INPP4B: variants seen among roughly 807,000 people sequenced by gnomAD.
INPP4B encodes inositol polyphosphate-4-phosphatase type II B.
INPP4B carries 55 observed loss-of-function variants against 122.5 expected under a neutral mutation model. That is an observed-to-expected ratio of 0.45 (90% CI 0.36 to 0.56). The LOEUF (loss-of-function observed/expected upper bound fraction) is 0.56, where lower values mean the gene tolerates loss of function less well. Among genes scored for constraint, INPP4B ranks in the 20% least tolerant of loss-of-function variants. The pLI is 0.00. For missense variants in INPP4B, 1,000 were observed against 1,097.7 expected, an observed-to-expected ratio of 0.91 and a Z score of 1.26; for synonymous variants, 403 against 388.7, an observed-to-expected ratio of 1.04 and a Z score of -0.43.
At chr4:142,048,134 T>C (rs1159778796) in intron 25 of INPP4B, among the ~76,000 whole-genome samples, 1 of 152,108 alleles carries the variant, frequency 6.6e-6, no homozygotes, top group Non-Finnish European at 1.5e-5. Flanking sequence ...CTCAGAGATA[T>C]TAGGTACTAT....
intron 18 of INPP4B, among the ~76,000 whole-genome samples, chr4:142,131,386 T>C (rs1801182706): frequency 6.6e-6 from 1 of 152,148 alleles, no homozygotes. Flanking sequence ...ACATTTTTAC[T>C]AGGTGAATGT....
At chr4:142,587,217 A>G (rs1266402300) in intron 2 of INPP4B, among the ~76,000 whole-genome samples, 1 of 152,154 alleles carries the variant, frequency 6.6e-6, no homozygotes, top group Non-Finnish European at 1.5e-5. Flanking sequence ...AGAAAATGAG[A>G]GAAAGAAAGA....
chr4:142,034,590 G>T (rs947682598), intron 25 of INPP4B, among the ~76,000 whole-genome samples: 1 of 152,036 alleles, frequency 6.6e-6, no homozygotes, highest in Non-Finnish European at 1.5e-5. Flanking sequence ...AGCCTGCACA[G>T]CCAGGCTCAC....
intron 7 of INPP4B, among the ~76,000 whole-genome samples, chr4:142,331,865 G>A (rs757640211): frequency 4.4e-5 from 6 of 136,382 alleles, no homozygotes; most frequent in Non-Finnish European, 9.2e-5. Context: ...ATATTATGAG[G>A]CAATGTTTAG....
chr4:142,645,809 T>C (rs1452136926), intron 2 of INPP4B, among the ~76,000 whole-genome samples: 1 of 152,226 alleles, frequency 6.6e-6, no homozygotes. Context: ...AAATGGAACC[T>C]GGCCTAATTA....
At chr4:142,628,182 T>G (rs1307493079) in intron 2 of INPP4B, among the ~76,000 whole-genome samples, 2 of 148,666 alleles carry the variant, frequency 1.3e-5, no homozygotes, top group Non-Finnish European at 3.0e-5. Context: ...CAATGATAGA[T>G]TGGATTAAGA....
chr4:142,441,842 A>G (rs1418058124), intron 3 of INPP4B, among the ~76,000 whole-genome samples: 1 of 149,262 alleles, frequency 6.7e-6, no homozygotes, highest in Non-Finnish European at 1.5e-5. Flanking sequence ...AATAATTGGG[A>G]TACATAAGCA....
At chr4:142,542,950 G>C (rs1039375422) in intron 2 of INPP4B, among the ~76,000 whole-genome samples, 1 of 151,952 alleles carries the variant, frequency 6.6e-6, no homozygotes, top group Non-Finnish European at 1.5e-5. Flanking sequence ...ATGGAAAAAA[G>C]GTAGATGTTC....
At chr4:142,165,024 A>G (rs1822016163) in intron 16 of INPP4B, among the ~76,000 whole-genome samples, 1 of 151,630 alleles carries the variant, frequency 6.6e-6, no homozygotes, top group African/African-American at 2.4e-5. Context: ...CATTTTTTTC[A>G]TTGGTGAGGT....
At chr4:142,538,914 T>G (rs1486287139) in intron 2 of INPP4B, among the ~76,000 whole-genome samples, 2 of 151,640 alleles carry the variant, frequency 1.3e-5, no homozygotes, top group South Asian at 2.1e-4. Context: ...AAGAGAGAGA[T>G]AAAATTAGTG....
intron 14 of INPP4B, among the ~76,000 whole-genome samples, chr4:142,204,637 A>C (rs1007961280): frequency 2.0e-5 from 3 of 152,102 alleles, no homozygotes; most frequent in Admixed American, 2.0e-4. Flanking sequence ...ATTAGGATGG[A>C]TCTTAATCCT....
chr4:142,725,792 G>A, intron 2 of INPP4B, 47 bp downstream of exon 2: 1 of 397,368 alleles, frequency 2.5e-6, no homozygotes, highest in South Asian at 1.3e-4. Context: ...CTAGTTTCAT[G>A]TAGAGTTATA....
intron 2 of INPP4B, among the ~76,000 whole-genome samples, chr4:142,527,363 CAT>C (rs1323927955): frequency 2.0e-5 from 3 of 151,816 alleles, no homozygotes; most frequent in South Asian, 2.1e-4. Context: ...TACACACACA[CAT>C]ATATGCATAT....
intron 2 of INPP4B, among the ~76,000 whole-genome samples, chr4:142,638,031 A>T (rs1440270550): frequency 6.6e-6 from 1 of 152,142 alleles, no homozygotes; most frequent in African/African-American, 2.4e-5. Flanking sequence ...TTGCCCATTT[A>T]AAAAAATTAA....
intron 2 of INPP4B, among the ~76,000 whole-genome samples, chr4:142,598,939 G>A (rs1739287064): frequency 6.6e-6 from 1 of 152,166 alleles, no homozygotes; most frequent in African/African-American, 2.4e-5. Flanking sequence ...CTTGCTGGTT[G>A]CATGGCCTCC....
At chr4:142,781,288 A>G (rs554815472) in intron 1 of INPP4B, among the ~76,000 whole-genome samples, 20 of 151,940 alleles carry the variant, frequency 1.3e-4, no homozygotes, top group African/African-American at 4.6e-4. Flanking sequence ...TCTCCTGTCC[A>G]CATGTTTCCT....
intron 5 of INPP4B, chr4:142,426,880 C>A (rs1808196188): frequency 6.6e-6 from 1 of 151,858 alleles, no homozygotes; most frequent in Admixed American, 6.6e-5. Context: ...AATCAAATAT[C>A]AAAGATTTAG....
chr4:142,597,672 A>G (rs1739013021), intron 2 of INPP4B, among the ~76,000 whole-genome samples: 1 of 152,226 alleles, frequency 6.6e-6, no homozygotes, highest in African/African-American at 2.4e-5. Flanking sequence ...AATGACTATC[A>G]TAAGTCATTT....
At chr4:142,815,964 G>A (rs1274616654) in intron 1 of INPP4B, among the ~76,000 whole-genome samples, 1 of 152,072 alleles carries the variant, frequency 6.6e-6, no homozygotes, top group Non-Finnish European at 1.5e-5. Context: ...ACTGTGTAAA[G>A]AAGCAAAAGA....
Sources: gnomAD v4.1 joint callset for allele counts (sites outside exome capture counted in the v4.1 genomes callset) on GRCh38, gnomAD v4.1.1 for gene constraint, MANE v1.5 for transcripts, NCBI Gene and HGNC (gene_info 2026-07-23, HGNC 2026-07-21) for gene names.